Variants in BMPR1B observed in about 807,000 individuals in gnomAD.
The protein encoded by BMPR1B is bone morphogenetic protein receptor type 1B.
A neutral mutation model predicts 59.1 loss-of-function variants in BMPR1B; 12 were observed. That is an observed-to-expected ratio of 0.20 (90% CI 0.13 to 0.33). The LOEUF (loss-of-function observed/expected upper bound fraction) is 0.33, where lower values mean the gene tolerates loss of function less well. Ranked by LOEUF, BMPR1B falls within the 10% of genes least tolerant of loss-of-function variation. BMPR1B has a pLI of 1.00. For synonymous variants in BMPR1B, 237 were observed against 207.3 expected (o/e 1.14, Z -1.23); for missense variants, 550 against 610.9 (o/e 0.90, Z 1.05).
At chr4:95,136,121 C>A (rs1289437483) in intron 10 of BMPR1B, among the ~76,000 whole-genome samples, 1 of 152,076 alleles carries the variant, frequency 6.6e-6, no homozygotes, top group African/African-American at 2.4e-5. Context: ...TTGAGATGAT[C>A]ATGTGGTTTT....
Position 94,899,687 on chromosome 4 carries a change from A to T in BMPR1B, c.-113+23787A>T, listed in dbSNP as rs190461216. On this transcript the variant is annotated intron_variant, in intron 2 of 12. Coordinates refer to ENST00000515059, the MANE Select transcript of BMPR1B (RefSeq NM_001203.3). The stretch of plus-strand genomic sequence containing the variant: ...TGATGTTTTATAACTGGTGTTTAAG[A>T]AAGTTTTCATTAGAAACGTGAAATT... Among the ~76,000 whole-genome samples, 523 of 152,062 alleles carry T rather than the reference A, an allele frequency of 3.4e-3. 1 individual carries two copies. The highest frequency in any genetic ancestry group is 0.012 in the African/African-American group (504 of 41,540).
At chr4:95,065,826 T>G (rs1227927497) in intron 3 of BMPR1B, among the ~76,000 whole-genome samples, 1 of 152,168 alleles carries the variant, frequency 6.6e-6, no homozygotes, top group Non-Finnish European at 1.5e-5. Flanking sequence ...GTTTGCTTTC[T>G]TCAATATCAA....
intron 2 of BMPR1B, among the ~76,000 whole-genome samples, chr4:94,978,526 TC>T (rs1731113590): frequency 6.6e-6 from 1 of 152,208 alleles, no homozygotes; most frequent in South Asian, 2.1e-4. Flanking sequence ...GTGAAAGACT[TC>T]AAAAACACAT....
At chr4:94,807,411 T>A (rs1723644262) in intron 1 of BMPR1B, among the ~76,000 whole-genome samples, 1 of 152,158 alleles carries the variant, frequency 6.6e-6, no homozygotes, top group Non-Finnish European at 1.5e-5. Context: ...AATTCTTGAA[T>A]GAAAAAACTG....
chr4:95,117,956 A>G (rs1196837241), intron 6 of BMPR1B, among the ~76,000 whole-genome samples: 1 of 152,186 alleles, frequency 6.6e-6, no homozygotes, highest in East Asian at 1.9e-4. Flanking sequence ...GAGGGTAGGA[A>G]CAATGAGAAG....
intron 2 of BMPR1B, among the ~76,000 whole-genome samples, chr4:94,888,484 T>C (rs1727267600): frequency 1.3e-5 from 2 of 152,040 alleles, no homozygotes; most frequent in South Asian, 2.1e-4. Context: ...ATAATAACAA[T>C]GATAATAATG....
At chr4:94,779,827 A>G (rs1433766661) in intron 1 of BMPR1B, among the ~76,000 whole-genome samples, 2 of 152,068 alleles carry the variant, frequency 1.3e-5, no homozygotes, top group East Asian at 3.9e-4. Context: ...GTGAGACTCC[A>G]TCTTAAAAAA....
chr4:94,835,363 T>C (rs567432326), intron 1 of BMPR1B, among the ~76,000 whole-genome samples: 4 of 152,222 alleles, frequency 2.6e-5, no homozygotes, highest in South Asian at 2.1e-4. Flanking sequence ...ATATAAGATA[T>C]GATGATTTGT....
intron 3 of BMPR1B, among the ~76,000 whole-genome samples, chr4:95,038,293 T>G (rs1161302126): frequency 6.6e-6 from 1 of 152,198 alleles, no homozygotes; most frequent in African/African-American, 2.4e-5. Flanking sequence ...CCAGATCTTG[T>G]GGAGCATTGC....
chr4:95,082,870 C>T (rs1729272560), intron 3 of BMPR1B, among the ~76,000 whole-genome samples: 1 of 151,546 alleles, frequency 6.6e-6, no homozygotes, highest in Non-Finnish European at 1.5e-5. Flanking sequence ...AGCCTCGTCT[C>T]TACTAAAAAT....
intron 10 of BMPR1B, among the ~76,000 whole-genome samples, chr4:95,134,562 G>A (rs1261367108): frequency 3.9e-5 from 6 of 152,132 alleles, no homozygotes; most frequent in East Asian, 1.9e-4. Context: ...TCACCATTCT[G>A]ACTGGTGTGA....
chr4:95,030,127 C>A (rs1036035826), intron 3 of BMPR1B, among the ~76,000 whole-genome samples: 9 of 151,640 alleles, frequency 5.9e-5, no homozygotes, highest in Admixed American at 5.9e-4. Flanking sequence ...TTAATGAGAT[C>A]CCATTTGTCA....
At chr4:94,812,632 C>T (rs1199640901) in intron 1 of BMPR1B, among the ~76,000 whole-genome samples, 1 of 151,864 alleles carries the variant, frequency 6.6e-6, no homozygotes, top group Non-Finnish European at 1.5e-5. Flanking sequence ...CCCTGTTAGC[C>T]CTGCAAATGA....
At chr4:95,009,525 A>G (rs544303680) in intron 3 of BMPR1B, among the ~76,000 whole-genome samples, 1 of 152,294 alleles carries the variant, frequency 6.6e-6, no homozygotes, top group African/African-American at 2.4e-5. Flanking sequence ...AAGTCACAAA[A>G]AATACATACA....
At chr4:95,015,523 C>G (rs879258114) in intron 3 of BMPR1B, among the ~76,000 whole-genome samples, 7 of 152,044 alleles carry the variant, frequency 4.6e-5, no homozygotes, top group Non-Finnish European at 5.9e-5. Context: ...GTAGCTGTGA[C>G]TACAGGTGCA....
chr4:95,029,747 C>T (rs1005915670), intron 3 of BMPR1B, among the ~76,000 whole-genome samples: 7 of 152,080 alleles, frequency 4.6e-5, no homozygotes, highest in Admixed American at 4.6e-4. Context: ...TAAAAGTGTT[C>T]CTATTTCTCC....
intron 3 of BMPR1B, among the ~76,000 whole-genome samples, chr4:95,076,967 T>C (rs556428882): frequency 1.3e-5 from 2 of 152,184 alleles, no homozygotes; most frequent in East Asian, 3.9e-4. Flanking sequence ...CTGTTAGAGA[T>C]TTTTATTTGC....
intron 3 of BMPR1B, among the ~76,000 whole-genome samples, chr4:95,025,974 A>G (rs1279815976): frequency 6.6e-6 from 1 of 152,156 alleles, no homozygotes; most frequent in Non-Finnish European, 1.5e-5. Context: ...TAGATTTACA[A>G]TTGCATGTTT....
intron 2 of BMPR1B, among the ~76,000 whole-genome samples, chr4:94,928,435 G>A (rs1174689827): frequency 6.6e-6 from 1 of 152,034 alleles, no homozygotes; most frequent in Non-Finnish European, 1.5e-5. Flanking sequence ...CATGAAGGCA[G>A]ATCAGTTACA....
Sources: gnomAD v4.1 joint callset for allele counts (sites outside exome capture counted in the v4.1 genomes callset) on GRCh38, gnomAD v4.1.1 for gene constraint, MANE v1.5 for transcripts, NCBI Gene and HGNC (gene_info 2026-07-23, HGNC 2026-07-21) for gene names.